Variants in FHOD3 observed in about 807,000 individuals in gnomAD.
FHOD3 encodes the protein FH1/FH2 domain-containing protein 3.
Under a neutral mutation model 173.0 loss-of-function variants are expected in FHOD3, and 90 were observed. The observed-to-expected ratio is 0.52, with a 90% confidence interval of 0.44 to 0.62. FHOD3 has a LOEUF of 0.62. Among genes scored for constraint, FHOD3 ranks in the 20% least tolerant of loss-of-function variants. The pLI is 0.00. For missense variants in FHOD3, 1,945 were observed against 2,034.7 expected (o/e 0.96, Z 0.85); for synonymous variants, 828 against 823.0 (o/e 1.01, Z -0.10).
intron 5 of FHOD3, among the ~76,000 whole-genome samples, chr18:36,539,118 A>G (rs911351787): frequency 6.6e-6 from 1 of 152,236 alleles, no homozygotes; most frequent in Admixed American, 6.5e-5. Context: ...TACTCAACCC[A>G]AGAAAACACC....
At chr18:36,550,825 A>G (rs1190104322) in intron 5 of FHOD3, among the ~76,000 whole-genome samples, 1 of 152,138 alleles carries the variant, frequency 6.6e-6, no homozygotes, top group African/African-American at 2.4e-5. Flanking sequence ...TTTTCTGTAG[A>G]TTCCATAGGA....
At chr18:36,476,783 TC>T (rs2053598813) in intron 3 of FHOD3, among the ~76,000 whole-genome samples, 1 of 152,180 alleles carries the variant, frequency 6.6e-6, no homozygotes, top group African/African-American at 2.4e-5. Context: ...AGTGTAAAGA[TC>T]CAAACTGGGT....
intron 2 of FHOD3, among the ~76,000 whole-genome samples, chr18:36,358,411 G>C (rs1049297843): frequency 6.6e-6 from 1 of 152,202 alleles, no homozygotes; most frequent in African/African-American, 2.4e-5. Flanking sequence ...TGTTCCCAAA[G>C]AGCCAGGGCA....
At chr18:36,360,389 G>A (rs1308428731) in intron 2 of FHOD3, among the ~76,000 whole-genome samples, 1 of 152,234 alleles carries the variant, frequency 6.6e-6, no homozygotes, top group Non-Finnish European at 1.5e-5. Flanking sequence ...CCACAGGGTT[G>A]GCTGTGAAGA....
At chr18:36,431,750 G>A (rs571579797) in intron 3 of FHOD3, among the ~76,000 whole-genome samples, 1 of 152,206 alleles carries the variant, frequency 6.6e-6, no homozygotes, top group Non-Finnish European at 1.5e-5. Flanking sequence ...AAAGGAAACT[G>A]TGATATGACC....
At chr18:36,334,547 G>GTCTGT (rs2045203056) in intron 1 of FHOD3, among the ~76,000 whole-genome samples, 2 of 152,206 alleles carry the variant, frequency 1.3e-5, no homozygotes, top group African/African-American at 4.8e-5. Context: ...TAAGGGTATT[G>GTCTGT]TCTCTTTCTG....
chr18:36,747,800 C>T (rs2042218164), intron 24 of FHOD3, among the ~76,000 whole-genome samples: 1 of 152,234 alleles, frequency 6.6e-6, no homozygotes. Flanking sequence ...CCTGGATCTT[C>T]TATCTTCCCA....
intron 1 of FHOD3, among the ~76,000 whole-genome samples, chr18:36,323,477 A>G (rs1209905425): frequency 6.6e-6 from 1 of 152,140 alleles, no homozygotes; most frequent in Non-Finnish European, 1.5e-5. Flanking sequence ...AGGCATCAGG[A>G]TGCCTTTACC....
chr18:36,340,083 T>TTTGA (rs2045535425), intron 1 of FHOD3, among the ~76,000 whole-genome samples: 1 of 152,254 alleles, frequency 6.6e-6, no homozygotes, highest in Admixed American at 6.5e-5. Flanking sequence ...AGTTTCTTTA[T>TTTGA]ACATTGTAGT....
At chr18:36,298,952 G>A (rs74651484) in intron 1 of FHOD3, among the ~76,000 whole-genome samples, 2,016 of 152,000 alleles carry the variant, frequency 0.013, 83 homozygotes, top group Admixed American at 0.09. Flanking sequence ...TTTCTGCCTA[G>A]GATTCATATC....
rs370203544 is a variant in FHOD3 at position 36,369,498 on chromosome 18, C to CATATAT, written c.273-3178_273-3173dup. On this transcript the variant is annotated intron_variant, in intron 2 of 28. Coordinates refer to ENST00000590592, the MANE Select transcript of FHOD3 (RefSeq NM_001281740.3). ...ACACACACACACACACACACACACA[C>CATATAT]ATATATATAGAGAGAGAGAGAGAGA... Among the ~76,000 whole-genome samples, 272 of 95,936 alleles carry CATATAT rather than the reference C, an allele frequency of 2.8e-3. 5 individuals carry two copies. Among genetic ancestry groups the CATATAT allele is most frequent in the Middle Eastern group, 0.011 (2 of 188 alleles). 62.9% of individuals were successfully genotyped at this position (95,936 alleles called of 152,430 possible).
In FHOD3 at chr18:36,779,754, C is replaced by A; in HGVS notation, c.*224C>A. ...CTTCTCCATCGTGTCAGCTGTGTTT[C>A]TCTTGATTCCGTGACACCCGGTTTA... On this transcript the variant is annotated 3_prime_UTR_variant, in exon 29 of 29. Transcript: ENST00000590592. 1 of 551,192 alleles carries A rather than the reference C, an allele frequency of 1.8e-6. No homozygotes were observed. The highest frequency in any genetic ancestry group is 3.2e-6 in the Non-Finnish European group (1 of 311,112). 34.1% of individuals were successfully genotyped at this position (551,192 alleles called of 1,614,324 possible). A position where few individuals can be genotyped will look rare whatever the true frequency, so the allele number is the denominator to read the frequency against.
chr18:36,486,099 G>C (rs945571597), intron 3 of FHOD3, among the ~76,000 whole-genome samples: 19 of 152,054 alleles, frequency 1.2e-4, no homozygotes, highest in African/African-American at 4.6e-4. Flanking sequence ...TGTATACTTA[G>C]CAGCTGGTAG....
At chr18:36,695,687 A>G (rs923836609) in intron 17 of FHOD3, among the ~76,000 whole-genome samples, 7 of 152,348 alleles carry the variant, frequency 4.6e-5, no homozygotes, top group Admixed American at 4.6e-4. Flanking sequence ...TCGCAAGTGT[A>G]TGAAAAGATG....
In FHOD3 at chr18:36,718,626, C is replaced by T. The variant is rs200306453; in HGVS notation, c.3328C>T (p.Leu1110=). ...AAACAACCGACGCTGCAGAGAATTC[C>T]TGTGGTCAAAACTGGAACCCATTAA... ...CKNNRRCREF[L]WSKLEPIKVD... Residue 1110 remains leucine (L), a synonymous_variant, in exon 19 of 29, where the codon CTG becomes TTG. Coordinates refer to ENST00000590592, the MANE Select transcript of FHOD3 (RefSeq NM_001281740.3). The T allele has an allele frequency of 5.5e-5, 89 of 1,614,132 alleles. No homozygotes were observed. In the African/African-American group the frequency reaches 6.8e-4, roughly 12 times the overall value.
chr18:36,307,808 TG>T (rs571756235), intron 1 of FHOD3, among the ~76,000 whole-genome samples: 317 of 152,354 alleles, frequency 2.1e-3, no homozygotes, highest in Non-Finnish European at 3.1e-3. Context: ...AATGAACACA[TG>T]GATACATTTG....
In FHOD3 at chr18:36,744,172, G is replaced by A. The variant is rs752350820; in HGVS notation, c.4020G>A (p.Gly1340=). 25 of 1,613,744 alleles carry A rather than the reference G, an allele frequency of 1.5e-5. No individual in the cohort carries two copies. Among genetic ancestry groups the A allele is most frequent in the East Asian group, 6.7e-5 (3 of 44,864 alleles). ...GCTCCGATCTGTACTCGGAGATCGG[G>A]GCCATCACCAGGTCAGCCAAGGTAT... ...PDSSDLYSEI[G]AITRSAKVDF... is the part of the protein sequence containing the mutation. Residue 1340 remains glycine, a synonymous_variant, in exon 23 of 29, where the codon GGG becomes GGA. Coordinates refer to ENST00000590592, the MANE Select transcript of FHOD3 (RefSeq NM_001281740.3).
intron 5 of FHOD3, among the ~76,000 whole-genome samples, chr18:36,536,954 T>C (rs2057019456): frequency 6.6e-6 from 1 of 152,186 alleles, no homozygotes; most frequent in Non-Finnish European, 1.5e-5. Flanking sequence ...AAAATAAACT[T>C]ATAGAATCAG....
intron 5 of FHOD3, among the ~76,000 whole-genome samples, chr18:36,543,633 C>G: frequency 6.6e-6 from 1 of 152,158 alleles, no homozygotes; most frequent in East Asian, 1.9e-4. Flanking sequence ...GTCCTGCAGA[C>G]CCAGGATCCC....
Sources: gnomAD v4.1 joint callset for allele counts (sites outside exome capture counted in the v4.1 genomes callset) on GRCh38, gnomAD v4.1.1 for gene constraint, MANE v1.5 for transcripts, NCBI Gene and HGNC (gene_info 2026-07-23, HGNC 2026-07-21) for gene names.